Variants in COL14A1 observed in about 807,000 individuals in gnomAD.
COL14A1 encodes collagen type XIV alpha 1 chain, also known as collagen alpha-1(XIV) chain.
COL14A1 carries 136 observed loss-of-function variants against 230.3 expected under a neutral mutation model. That is an observed-to-expected ratio of 0.59 (90% CI 0.51 to 0.68). The LOEUF (loss-of-function observed/expected upper bound fraction) is 0.68, where lower values mean the gene tolerates loss of function less well. Ranked by LOEUF, COL14A1 falls within the 30% of genes least tolerant of loss-of-function variation. The pLI is 0.00. For missense variants in COL14A1, 1,976 were observed against 2,215.8 expected, an observed-to-expected ratio of 0.89 and a Z score of 2.17; for synonymous variants, 792 against 784.1, an observed-to-expected ratio of 1.01 and a Z score of -0.17.
intron 19 of COL14A1, among the ~76,000 whole-genome samples, chr8:120,237,005 T>C (rs1818463976): frequency 1.3e-5 from 2 of 152,230 alleles, no homozygotes; most frequent in South Asian, 4.1e-4. Flanking sequence ...ACCGATGGGC[T>C]TCCCTTTGTG....
chr8:120,171,574 T>C (rs1816096074), intron 5 of COL14A1, among the ~76,000 whole-genome samples: 1 of 152,180 alleles, frequency 6.6e-6, no homozygotes, highest in African/African-American at 2.4e-5. Context: ...TTTGTTGACA[T>C]GTGTGTTTTC....
chr8:120,289,781 C>T lies in COL14A1; in HGVS notation c.4236+15C>T. The T allele has an allele frequency of 6.2e-7, 1 of 1,606,380 alleles. No homozygotes were observed. The highest frequency in any genetic ancestry group is 8.5e-7 in the Non-Finnish European group (1 of 1,176,386). ...ACTCTGCACCGGTAAGTGAATAAAC[C>T]CGTGAAGCTGTGTTATTGTTAAGGG... On this transcript the variant is annotated intron_variant, in intron 34 of 47. Transcript: ENST00000297848.
intron 1 of COL14A1, among the ~76,000 whole-genome samples, chr8:120,145,892 G>A (rs1390158512): frequency 6.6e-6 from 1 of 151,726 alleles, no homozygotes; most frequent in Non-Finnish European, 1.5e-5. Flanking sequence ...TATTGTTTTT[G>A]TTGTACTTTG....
At chr8:120,251,634 A>C (rs1322266123) in intron 22 of COL14A1, among the ~76,000 whole-genome samples, 1 of 152,208 alleles carries the variant, frequency 6.6e-6, no homozygotes, top group Non-Finnish European at 1.5e-5. Flanking sequence ...CCTCCGCATG[A>C]TCTGTTTATT....
chr8:120,177,516 G>A (rs946950053), intron 5 of COL14A1, among the ~76,000 whole-genome samples: 1 of 151,724 alleles, frequency 6.6e-6, no homozygotes, highest in Non-Finnish European at 1.5e-5. Flanking sequence ...GGGAGTGGTG[G>A]CGCACATCAG....
chr8:120,332,491 T>TA (rs968956088), intron 41 of COL14A1, among the ~76,000 whole-genome samples, 173 bp from the exon 42 acceptor site: 3 of 152,028 alleles, frequency 2.0e-5, no homozygotes, highest in South Asian at 2.1e-4. Flanking sequence ...GTGAGGAGAC[T>TA]AAAAAAAAGT....
At chr8:120,313,603 G>A (rs192723295) in intron 37 of COL14A1, among the ~76,000 whole-genome samples, 212 of 152,126 alleles carry the variant, frequency 1.4e-3, no homozygotes, top group Non-Finnish European at 2.5e-3. Flanking sequence ...AGGTGGTCTT[G>A]AAGCACTTAT....
intron 45 of COL14A1, among the ~76,000 whole-genome samples, chr8:120,354,718 A>T (rs529810772): frequency 6.6e-6 from 1 of 152,288 alleles, no homozygotes; most frequent in East Asian, 1.9e-4. Flanking sequence ...CTTAAAATTT[A>T]AGGATTCTAA....
intron 34 of COL14A1, among the ~76,000 whole-genome samples, chr8:120,292,176 T>G (rs1352858253): frequency 6.6e-6 from 1 of 152,168 alleles, no homozygotes; most frequent in Non-Finnish European, 1.5e-5. Context: ...ATGTAATAAT[T>G]ATGCTCCAAA....
intron 23 of COL14A1, among the ~76,000 whole-genome samples, chr8:120,257,458 G>A (rs1586809978): frequency 6.6e-6 from 1 of 152,260 alleles, no homozygotes; most frequent in East Asian, 1.9e-4. Context: ...GAGTGAGTGT[G>A]GGGGTGGCAG....
rs140523655 is a variant in COL14A1 at position 120,168,500 on chromosome 8, A to C, written c.436+253A>C. Among the ~76,000 whole-genome samples, 11 of 152,226 alleles carry C rather than the reference A, an allele frequency of 7.2e-5. No individual in the cohort carries two copies. In the East Asian group the frequency reaches 2.1e-3, roughly 29 times the overall value. ...CTGTCATATTTCTTGTTCTGTGCATACCTTTTCACTTGGAAACCTTTACAT... is the reference window on the plus strand; with the variant it reads ...CTGTCATATTTCTTGTTCTGTGCATCCCTTTTCACTTGGAAACCTTTACAT... On this transcript the variant is annotated intron_variant, in intron 5 of 47. Coordinates refer to ENST00000297848, the MANE Select transcript of COL14A1 (RefSeq NM_021110.4).
intron 26 of COL14A1, among the ~76,000 whole-genome samples, chr8:120,274,953 C>T (rs1236459638): frequency 2.0e-5 from 3 of 148,476 alleles, no homozygotes; most frequent in South Asian, 4.3e-4. Flanking sequence ...AATTCCTATA[C>T]AAATATCAAC....
intron 30 of COL14A1, 75 bp downstream of exon 30, chr8:120,280,824 T>C: frequency 6.5e-7 from 1 of 1,529,676 alleles, no homozygotes. Flanking sequence ...TTTCTGTTTT[T>C]GTTTTTAAAT....
intron 19 of COL14A1, among the ~76,000 whole-genome samples, chr8:120,238,218 C>A (rs2130836856): frequency 6.6e-6 from 1 of 152,334 alleles, no homozygotes; most frequent in South Asian, 2.1e-4. Context: ...GCCACCCCTT[C>A]CCCCAGGTGC....
Position 120,250,640 on chromosome 8 carries a change from T to C in COL14A1, c.2626T>C (p.Phe876Leu). Residue 876 changes from phenylalanine to leucine, a missense_variant, in exon 22 of 48, where the codon TTT becomes CTT. Physicochemically the swap from Phe to Leu is conservative, Grantham distance 22. Transcript: ENST00000297848. ...VSVPGPTLETFVGADINTILI... is the reference protein window; with the variant it reads ...VSVPGPTLETLVGADINTILI... ...AGTTCCTGGTCCAACACTGGAAACG[T>C]TTGTGGGAGCTGACATTAACACCAT... 1 of 1,614,212 alleles carries C rather than the reference T, an allele frequency of 6.2e-7. No homozygotes were observed. The highest frequency in any genetic ancestry group is 8.5e-7 in the Non-Finnish European group (1 of 1,180,032).
chr8:120,344,054 A>C (rs1283930813), intron 44 of COL14A1, among the ~76,000 whole-genome samples: 2 of 152,192 alleles, frequency 1.3e-5, no homozygotes, highest in African/African-American at 2.4e-5. Flanking sequence ...GAATTCTCAG[A>C]GTCTTGTGAT....
chr8:120,126,508 T>G, intron 1 of COL14A1, among the ~76,000 whole-genome samples: 2 of 150,028 alleles, frequency 1.3e-5, no homozygotes, highest in African/African-American at 2.5e-5. Context: ...GGGGTGGGAG[T>G]GGGGGCAGGA....
intron 1 of COL14A1, among the ~76,000 whole-genome samples, chr8:120,137,190 T>A (rs907244151): frequency 6.6e-6 from 1 of 152,154 alleles, no homozygotes; most frequent in South Asian, 2.1e-4. Context: ...GTGTCTGTTT[T>A]AGCAAGTTGA....
intron 5 of COL14A1, among the ~76,000 whole-genome samples, chr8:120,179,255 G>A (rs752145821): frequency 3.3e-5 from 5 of 152,158 alleles, no homozygotes; most frequent in Non-Finnish European, 7.4e-5. Flanking sequence ...AATTGTCTGT[G>A]TTTGCAGATG....
Sources: gnomAD v4.1 joint callset for allele counts (sites outside exome capture counted in the v4.1 genomes callset) on GRCh38, gnomAD v4.1.1 for gene constraint, MANE v1.5 for transcripts, NCBI Gene and HGNC (gene_info 2026-07-23, HGNC 2026-07-21) for gene names.